The following FITM2 variants were observed in gnomAD, a reference collection of about 807,000 sequenced individuals.
FITM2 encodes fat storage inducing transmembrane protein 2.
Under a neutral mutation model 23.3 loss-of-function variants are expected in FITM2, and 16 were observed. That is an observed-to-expected ratio of 0.69 (90% CI 0.47 to 1.05). FITM2 has a LOEUF of 1.05. FITM2 is among the 50% of genes least tolerant of loss of function. The probability of loss-of-function intolerance (pLI) is 0.00; values close to 1 mark genes in which losing one functional copy is unlikely to be tolerated. For synonymous variants in FITM2, 132 were observed against 142.0 expected (o/e 0.93, Z 0.50); for missense variants, 273 against 327.5 (o/e 0.83, Z 1.29).
At chr20:44,308,256 T>C (rs2062696168) in intron 1 of FITM2, among the ~76,000 whole-genome samples, 3 of 152,212 alleles carry the variant, frequency 2.0e-5, no homozygotes, top group African/African-American at 7.2e-5. Context: ...TTAAGCACTA[T>C]GTTATTTACT....
rs1170636053 is a variant in FITM2, at chr20:44,305,082, C to T, written c.*1543G>A. 2.0e-5 allele frequency: 3 copies of T among 152,094 alleles called. No homozygotes were observed. The highest frequency in any genetic ancestry group is 6.6e-5 in the Admixed American group (1 of 15,258). The allele number at this position is 152,094 out of a possible 1,614,324, so 9.4% of individuals were successfully genotyped here. The stretch of plus-strand genomic sequence containing the variant: ...GAGGTGGAATTTAAGACTGTAAGAC[C>T]AGAGTTTGGTTCATAACAAGTACAT... On this transcript the variant is annotated 3_prime_UTR_variant, in exon 2 of 2. Transcript: ENST00000396825.
rs1004658892 is a variant in FITM2, at chr20:44,311,145, C to G, written c.4G>C (p.Glu2Gln). ...AACCACTCGCAGCGCTCCAGATGCTCCATGCCGGATCTCGTCAGCCACCGT... is the reference window on the plus strand; with the variant it reads ...AACCACTCGCAGCGCTCCAGATGCTGCATGCCGGATCTCGTCAGCCACCGT... Reference protein sequence around the residue: MEHLERCEWLLR... With the variant: MQHLERCEWLLR... Residue 2 changes from glutamate (E) to glutamine (Q), a missense_variant, in exon 1 of 2, where the codon GAG (glutamate) becomes CAG (glutamine). Physicochemically the swap from Glu to Gln is conservative, Grantham distance 29. Coordinates refer to ENST00000396825, the MANE Select transcript of FITM2 (RefSeq NM_001080472.4). The G allele has an allele frequency of 6.2e-7, 1 of 1,611,164 alleles. No homozygotes were observed. The highest frequency in any genetic ancestry group is 8.5e-7 in the Non-Finnish European group (1 of 1,178,372).
In FITM2 at chr20:44,305,448, T is replaced by A. The variant is rs530195644; in HGVS notation, c.*1177A>T. The A allele has an allele frequency of 2.5e-4, 38 of 152,288 alleles. No homozygotes were observed. Among genetic ancestry groups the A allele is most frequent in the African/African-American group, 8.9e-4 (37 of 41,568 alleles). 9.4% of individuals were successfully genotyped at this position (152,288 alleles called of 1,614,324 possible). ...GTTTTGGTGGCTAATCGCAAGTCAG[T>A]TGCAATATTTAAACACTTCATGGAT... On this transcript the variant is annotated 3_prime_UTR_variant, in exon 2 of 2. Transcript: ENST00000396825.
In FITM2 at chr20:44,305,381, A is replaced by G. The variant is rs4812817; in HGVS notation, c.*1244T>C. 0.33 allele frequency: 50,250 copies of G among 152,098 alleles called. 9,355 individuals are homozygous for G. Among genetic ancestry groups the G allele is most frequent in the African/African-American group, 0.46 (18,998 of 41,486 alleles). 9.4% of individuals were successfully genotyped at this position (152,098 alleles called of 1,614,324 possible). On this transcript the variant is annotated 3_prime_UTR_variant, in exon 2 of 2. Coordinates refer to ENST00000396825, the MANE Select transcript of FITM2 (RefSeq NM_001080472.4). ...GATCATAGTCCATTACGTATGAATC[A>G]TCCAATACTTGGTCGGAGAGGCACT... is the stretch of plus-strand genomic sequence containing the variant.
intron 1 of FITM2, among the ~76,000 whole-genome samples, chr20:44,307,950 G>A (rs1446503308): frequency 6.6e-6 from 1 of 152,030 alleles, no homozygotes; most frequent in South Asian, 2.1e-4. Flanking sequence ...AGCCAGGCGT[G>A]GTGGCGGGCG....
intron 1 of FITM2, among the ~76,000 whole-genome samples, chr20:44,309,835 T>C (rs2062700186): frequency 6.6e-6 from 1 of 152,130 alleles, no homozygotes; most frequent in Non-Finnish European, 1.5e-5. Context: ...AGCTGCCTTG[T>C]CCGCCTCCCC....
chr20:44,305,311 T>C lies in FITM2; in HGVS notation c.*1314A>G, dbSNP rs1348921405. The C allele has an allele frequency of 6.6e-6, 1 of 152,044 alleles. No individual in the cohort carries two copies. Among genetic ancestry groups the C allele is most frequent in the Non-Finnish European group, 1.5e-5 (1 of 68,016 alleles). 9.4% of individuals were successfully genotyped at this position (152,044 alleles called of 1,614,324 possible). ...AACAGAAAAAAAGTAATCTTATTGC[T>C]CCAAAAAAACCAGCATATAGTAATA... On this transcript the variant is annotated 3_prime_UTR_variant, in exon 2 of 2. Transcript: ENST00000396825.
In FITM2 at chr20:44,306,422, T is replaced by C. The variant is rs2062689638; in HGVS notation, c.*203A>G. ...GGGACAAAAAGTGCCTAACTGGGAA[T>C]GGTGGTGCTTGCAACACTGGTGATG... On this transcript the variant is annotated 3_prime_UTR_variant, in exon 2 of 2. Coordinates refer to ENST00000396825, the MANE Select transcript of FITM2 (RefSeq NM_001080472.4). 5.1e-6 allele frequency: 3 copies of C among 585,738 alleles called. No individual in the cohort carries two copies. In the South Asian group the frequency reaches 6.1e-5, roughly 12 times the overall value. The allele number at this position is 585,738 out of a possible 1,614,324, so 36.3% of individuals were successfully genotyped here.
At position 44,306,210 on chromosome 20, in the gene FITM2, C is replaced by A; in HGVS notation, c.*415G>T. On this transcript the variant is annotated 3_prime_UTR_variant, in exon 2 of 2. Coordinates refer to ENST00000396825, the MANE Select transcript of FITM2 (RefSeq NM_001080472.4). Reference sequence around the variant, plus strand: ...CTGGCTGGAAAATACTGTTAAGTAACAGCAGTAAGAGCCGTGAAAATCTAA... The same window carrying A: ...CTGGCTGGAAAATACTGTTAAGTAAAAGCAGTAAGAGCCGTGAAAATCTAA... The A allele has an allele frequency of 5.0e-6, 1 of 199,848 alleles. No homozygotes were observed. Among genetic ancestry groups the A allele is most frequent in the Non-Finnish European group, 1.0e-5 (1 of 96,666 alleles). 12.4% of individuals were successfully genotyped at this position (199,848 alleles called of 1,614,324 possible). A position where few individuals can be genotyped will look rare whatever the true frequency, so the allele number is the denominator to read the frequency against.
In FITM2 at chr20:44,306,271, T is replaced by G; in HGVS notation, c.*354A>C. The G allele has an allele frequency of 4.3e-6, 1 of 230,622 alleles. No individual in the cohort carries two copies. Among genetic ancestry groups the G allele is most frequent in the Non-Finnish European group, 8.6e-6 (1 of 116,226 alleles). 14.3% of individuals were successfully genotyped at this position (230,622 alleles called of 1,614,324 possible). A position where few individuals can be genotyped will look rare whatever the true frequency, so the allele number is the denominator to read the frequency against. ...AACCAGGGAGAAGGCAGCAAAGGAG[T>G]CCCAAGGCTCTGGCCACTCCTTTAG... is the stretch of plus-strand genomic sequence containing the variant. On this transcript the variant is annotated 3_prime_UTR_variant, in exon 2 of 2. Coordinates refer to ENST00000396825, the MANE Select transcript of FITM2 (RefSeq NM_001080472.4).
intron 1 of FITM2, among the ~76,000 whole-genome samples, chr20:44,308,686 C>T (rs1396260920): frequency 6.6e-6 from 1 of 152,092 alleles, no homozygotes; most frequent in Non-Finnish European, 1.5e-5. Context: ...CAGGTGTGTA[C>T]CAATGTGCCT....
rs2062703554 is a variant in FITM2, at chr20:44,311,020, C to T, written c.129G>A (p.Pro43=). ...LAGSLLKELS[P]LPESYLSNKR... is the part of the protein sequence containing the mutation. ...TGTTGCTGAGGTAGCTCTCGGGCAA[C>T]GGGGACAACTCCTTGAGGAGGGAGC... Residue 43 remains proline, a synonymous_variant, in exon 1 of 2, where the codon CCG becomes CCA. Coordinates refer to ENST00000396825, the MANE Select transcript of FITM2 (RefSeq NM_001080472.4). 1.3e-6 allele frequency: 2 copies of T among 1,580,122 alleles called. No individual in the cohort carries two copies. The highest frequency in any genetic ancestry group is 1.2e-5 in the South Asian group (1 of 86,398).
chr20:44,305,446 A>G lies in FITM2; in HGVS notation c.*1179T>C, dbSNP rs2062686966. On this transcript the variant is annotated 3_prime_UTR_variant, in exon 2 of 2. Coordinates refer to ENST00000396825, the MANE Select transcript of FITM2 (RefSeq NM_001080472.4). ...CTGTTTTGGTGGCTAATCGCAAGTC[A>G]GTTGCAATATTTAAACACTTCATGG... 6.6e-6 allele frequency: 1 copy of G among 152,254 alleles called. No homozygotes were observed. Among genetic ancestry groups the G allele is most frequent in the South Asian group, 2.1e-4 (1 of 4,832 alleles). 9.4% of individuals were successfully genotyped at this position (152,254 alleles called of 1,614,324 possible).
Position 44,303,034 on chromosome 20 carries a change from A to G in FITM2, c.*3591T>C, listed in dbSNP as rs1466996839. On this transcript the variant is annotated 3_prime_UTR_variant, in exon 2 of 2. Transcript: ENST00000396825. ...ATAAGCATGGCAGTATTCTATGATC[A>G]CAGATGCCCCCAGAGCCTGGGGGTA... 1 of 152,168 alleles carries G rather than the reference A, an allele frequency of 6.6e-6. No homozygotes were observed. Among genetic ancestry groups the G allele is most frequent in the Non-Finnish European group, 1.5e-5 (1 of 68,026 alleles). 9.4% of individuals were successfully genotyped at this position (152,168 alleles called of 1,614,324 possible).
At chr20:44,307,653 T>TGG (rs2062694370) in intron 1 of FITM2, among the ~76,000 whole-genome samples, 2 of 151,724 alleles carry the variant, frequency 1.3e-5, no homozygotes, top group African/African-American at 4.8e-5. Flanking sequence ...CTCGAACTCC[T>TGG]GGCCTCAAAT....
chr20:44,307,129 G>A lies in FITM2; in HGVS notation c.285C>T (p.Ser95=). The A allele has an allele frequency of 6.2e-7, 1 of 1,614,206 alleles. No individual in the cohort carries two copies. Among genetic ancestry groups the A allele is most frequent in the East Asian group, 2.2e-5 (1 of 44,894 alleles). The stretch of plus-strand genomic sequence containing the variant: ...AGATGGCCGTGCCCACAAGCAGGGT[G>A]CTCAGCCGCCGCAGGACCAAGCCAG... ...GKAGLVLRRL[S]TLLVGTAIWY... The change falls in exon 2 of 2, where the codon AGC becomes AGT. Residue 95 remains serine, a synonymous_variant. Transcript: ENST00000396825.
In FITM2 at chr20:44,307,137, GC is replaced by G. The variant is rs2062692827; in HGVS notation, c.276del (p.Arg93GlyfsTer2). 1 of 1,614,070 alleles carries G rather than the reference GC, an allele frequency of 6.2e-7. No homozygotes were observed. The highest frequency in any genetic ancestry group is 1.1e-5 in the South Asian group (1 of 91,084). On this transcript the variant is annotated frameshift_variant, in exon 2 of 2. Transcript: ENST00000396825. LOFTEE classifies it high-confidence loss of function. Reference protein sequence around the residue: ...HLTGKAGLVLRRLSTLLVGTA... With the variant: ...HLTGKAGLVLXRLSTLLVGTA... ...GTGCCCACAAGCAGGGTGCTCAGCCGCCGCAGGACCAAGCCAGCCTTGCCGG... is the reference window on the plus strand; with the variant it reads ...GTGCCCACAAGCAGGGTGCTCAGCCGCGCAGGACCAAGCCAGCCTTGCCGG...
At chr20:44,307,306 C>G in intron 1 of FITM2, 66 bp from the exon 2 acceptor site, 1 of 1,568,600 alleles carries the variant, frequency 6.4e-7, no homozygotes, top group Non-Finnish European at 8.7e-7. Context: ...TGTCAGGACT[C>G]AGGTCTCTAC....
Position 44,305,195 on chromosome 20 carries a change from C to T in FITM2, c.*1430G>A, listed in dbSNP as rs1275175949. 3 of 152,226 alleles carry T rather than the reference C, an allele frequency of 2.0e-5. No homozygotes were observed. The highest frequency in any genetic ancestry group is 4.4e-5 in the Non-Finnish European group (3 of 68,046). 9.4% of individuals were successfully genotyped at this position (152,226 alleles called of 1,614,324 possible). On this transcript the variant is annotated 3_prime_UTR_variant, in exon 2 of 2. Coordinates refer to ENST00000396825, the MANE Select transcript of FITM2 (RefSeq NM_001080472.4). ...AACCTACATGTGCCAGAGTGCAGCA[C>T]TGGCCTTGTGAGTTATTTTCAGGAG...
Sources: allele counts gnomAD v4.1 joint callset (sites outside exome capture counted in the v4.1 genomes callset), GRCh38; gene constraint gnomAD v4.1.1; transcripts MANE v1.5; gene names NCBI Gene and HGNC (gene_info 2026-07-23, HGNC 2026-07-21).